Variants in TRAF5 observed in about 807,000 individuals in gnomAD.
The protein encoded by TRAF5 is TNF receptor-associated factor 5.
In TRAF5, 48 loss-of-function variants were observed where a neutral mutation model predicts 64.5. The observed-to-expected ratio is 0.74, with a 90% confidence interval of 0.59 to 0.95. TRAF5 has a LOEUF of 0.95. Ranked by LOEUF, TRAF5 falls within the 40% of genes least tolerant of loss-of-function variation. TRAF5 has a pLI of 0.00. For missense variants in TRAF5, 545 were observed against 662.8 expected (o/e 0.82, Z 1.95); for synonymous variants, 206 against 240.5 (o/e 0.86, Z 1.33).
intron 1 of TRAF5, among the ~76,000 whole-genome samples, chr1:211,337,500 G>C (rs948200340): frequency 2.6e-5 from 4 of 152,166 alleles, no homozygotes; most frequent in African/African-American, 9.7e-5. Context: ...GAGTGCAATG[G>C]GGCCATTGGA....
chr1:211,337,516 G>A (rs181527938), intron 1 of TRAF5, among the ~76,000 whole-genome samples: 1 of 152,312 alleles, frequency 6.6e-6, no homozygotes, highest in East Asian at 1.9e-4. Flanking sequence ...TTGGAGCAGA[G>A]GAGCAGCAGA....
intron 8 of TRAF5, among the ~76,000 whole-genome samples, chr1:211,367,923 GA>G (rs1254959215): frequency 6.6e-6 from 1 of 152,054 alleles, no homozygotes; most frequent in African/African-American, 2.4e-5. Flanking sequence ...ATTTAATGGA[GA>G]AGACCAAAAC....
Position 211,326,850 on chromosome 1 carries a change from C to T in TRAF5, c.-41C>T. The T allele has an allele frequency of 9.1e-6, 9 of 984,830 alleles. No homozygotes were observed. Among genetic ancestry groups the T allele is most frequent in the Non-Finnish European group, 1.1e-5 (9 of 829,554 alleles). 61.0% of individuals were successfully genotyped at this position (984,830 alleles called of 1,614,324 possible). ...CCGCAGCCAGGAGCAGCAGCCGCGCCTGCAGACCGGCCTCGCGGAGCCCGC... is the reference window on the plus strand; with the variant it reads ...CCGCAGCCAGGAGCAGCAGCCGCGCTTGCAGACCGGCCTCGCGGAGCCCGC... On this transcript the variant is annotated 5_prime_UTR_variant, in exon 1 of 11. Transcript: ENST00000261464. The surrounding 1 kb of genome is among the most constrained non-coding windows in gnomAD (Gnocchi z 5.0).
At chr1:211,354,502 AG>A (rs780597209) in intron 3 of TRAF5, 35 bp downstream of exon 3, 1 of 1,603,926 alleles carries the variant, frequency 6.2e-7, no homozygotes, top group African/African-American at 1.3e-5. Flanking sequence ...AGCAGCTCTC[AG>A]GGTGATGGAG....
intron 1 of TRAF5, among the ~76,000 whole-genome samples, chr1:211,346,771 A>G (rs1702619411): frequency 6.6e-6 from 1 of 152,234 alleles, no homozygotes; most frequent in Non-Finnish European, 1.5e-5. Context: ...TATTTGTCAT[A>G]TGTTCTCCAG....
rs757640185 is a variant in TRAF5, at chr1:211,369,515, A to G, written c.853A>G (p.Ile285Val). The change falls in exon 9 of 11, where the codon ATA becomes GTA. Residue 285 changes from isoleucine (I) to valine (V), a missense_variant. By Grantham distance (29) the Ile-to-Val change is conservative. Coordinates refer to ENST00000261464, the MANE Select transcript of TRAF5 (RefSeq NM_001033910.3). ...TAAAATCCAGCAGCTAGCAGAAACTATAAAGAAACTTGAAAAGGAGTTCAA... is the reference window on the plus strand; with the variant it reads ...TAAAATCCAGCAGCTAGCAGAAACTGTAAAGAAACTTGAAAAGGAGTTCAA... ...ESKIQQLAET[I>V]KKLEKEFKQF... is the part of the protein sequence containing the mutation. The G allele has an allele frequency of 3.7e-6, 6 of 1,611,816 alleles. No individual in the cohort carries two copies. The highest frequency in any genetic ancestry group is 5.1e-6 in the Non-Finnish European group (6 of 1,179,340).
rs1703155744 is a variant in TRAF5 at position 211,360,875 on chromosome 1, C to T, written c.621+96C>T. 9 of 1,212,080 alleles carry T rather than the reference C, an allele frequency of 7.4e-6. No individual in the cohort carries two copies. In the Admixed American group the frequency reaches 1.5e-4, roughly 20 times the overall value. 75.1% of individuals were successfully genotyped at this position (1,212,080 alleles called of 1,614,324 possible). A position where few individuals can be genotyped will look rare whatever the true frequency, so the allele number is the denominator to read the frequency against. On this transcript the variant is annotated intron_variant, in intron 6 of 10. Transcript: ENST00000261464. The stretch of plus-strand genomic sequence containing the variant: ...TGATACAGTCCCAAAGATAAGGGCC[C>T]AGGGCTTAAATTACACGCATGACCA...
At chr1:211,362,870 A>G (rs116694568) in intron 7 of TRAF5, among the ~76,000 whole-genome samples, 4,344 of 152,194 alleles carry the variant, frequency 0.029, 85 homozygotes, top group South Asian at 0.075. Context: ...GATCAGACAA[A>G]AAAAAGGGGG....
chr1:211,365,065 C>T (rs950848258), intron 7 of TRAF5, among the ~76,000 whole-genome samples: 1 of 151,792 alleles, frequency 6.6e-6, no homozygotes, highest in Non-Finnish European at 1.5e-5. Flanking sequence ...CCCAGCTACT[C>T]GGGAGGTTGG....
At chr1:211,328,235 A>G (rs1702070166) in intron 1 of TRAF5, among the ~76,000 whole-genome samples, 1 of 152,146 alleles carries the variant, frequency 6.6e-6, no homozygotes, top group Non-Finnish European at 1.5e-5. Context: ...AATTTGAACT[A>G]GAAAGACAGA....
rs1572083624 is a variant in TRAF5 at position 211,360,336 on chromosome 1, A to G, written c.543+260A>G. 1.4e-5 allele frequency: 7 copies of G among 508,560 alleles called. No homozygotes were observed. The East Asian group carries it at 2.1e-4, about 15-fold the overall frequency. 31.5% of individuals were successfully genotyped at this position (508,560 alleles called of 1,614,324 possible). A position where few individuals can be genotyped will look rare whatever the true frequency, so the allele number is the denominator to read the frequency against. On this transcript the variant is annotated intron_variant, in intron 5 of 10. Transcript: ENST00000261464. ...AATGAATGCTGGGTGCTGAGTCACA[A>G]GGAGGTGACAATAATGTCTACTCTC...
chr1:211,338,250 T>TC, intron 1 of TRAF5, among the ~76,000 whole-genome samples: 1 of 152,104 alleles, frequency 6.6e-6, no homozygotes, highest in East Asian at 1.9e-4. Flanking sequence ...AACAAATGGG[T>TC]CCCCCTTCCT....
At position 211,372,641 on chromosome 1, in the gene TRAF5, T is replaced by A. The variant is rs1703577787; in HGVS notation, c.1613T>A (p.Ile538Asn). The change falls in exon 11 of 11, where the codon ATT becomes AAT. Residue 538 changes from isoleucine to asparagine, a missense_variant. Physicochemically the swap from Ile to Asn is moderately radical, Grantham distance 149. Transcript: ENST00000261464. ...SVLENAKNAYIKDDTLFLKVA... is the reference protein window; with the variant it reads ...SVLENAKNAYNKDDTLFLKVA... Reference sequence around the variant, plus strand: ...TTGGAGAATGCCAAGAACGCCTACATTAAAGATGACACTCTGTTCTTGAAA... The same window carrying A: ...TTGGAGAATGCCAAGAACGCCTACAATAAAGATGACACTCTGTTCTTGAAA... 1.2e-6 allele frequency: 2 copies of A among 1,614,110 alleles called. No homozygotes were observed. Among genetic ancestry groups the A allele is most frequent in the Non-Finnish European group, 1.7e-6 (2 of 1,180,038 alleles).
intron 1 of TRAF5, among the ~76,000 whole-genome samples, chr1:211,345,264 C>T (rs756204172): frequency 2.6e-5 from 4 of 152,116 alleles, no homozygotes; most frequent in Admixed American, 1.3e-4. Flanking sequence ...CCATGTTGCC[C>T]AGGCTGGTCT....
At chr1:211,340,413 T>C (rs1253091206) in intron 1 of TRAF5, among the ~76,000 whole-genome samples, 1 of 152,170 alleles carries the variant, frequency 6.6e-6, no homozygotes. Context: ...GCCTCCCGAG[T>C]AGCTGGGATT....
intron 1 of TRAF5, among the ~76,000 whole-genome samples, chr1:211,348,260 C>G (rs1012382855): frequency 6.6e-6 from 1 of 152,092 alleles, no homozygotes; most frequent in Admixed American, 6.5e-5. Context: ...CTCACTAATT[C>G]TTTTGTTTTG....
At chr1:211,339,455 G>A (rs144344602) in intron 1 of TRAF5, among the ~76,000 whole-genome samples, 7 of 152,262 alleles carry the variant, frequency 4.6e-5, no homozygotes, top group Non-Finnish European at 1.0e-4. Context: ...CATGAAACTC[G>A]GTTTGGTAAG....
rs761979755 is a variant in TRAF5 at position 211,356,461 on chromosome 1, G to A, written c.371G>A (p.Arg124Gln). 1.6e-5 allele frequency: 26 copies of A among 1,613,706 alleles called. No homozygotes were observed. The highest frequency in any genetic ancestry group is 1.6e-4 in the Middle Eastern group (1 of 6,082). The change falls in exon 4 of 11, where the codon CGG becomes CAG. Residue 124 changes from arginine (R) to glutamine (Q), a missense_variant. Transcript: ENST00000261464. ...PGCNAKVILG[R>Q]YQDHLQQCLF... ...TGTAATGCCAAGGTTATTCTGGGCC[G>A]GTACCAGGTTGGTATTACTCATGAA...
At position 211,369,457 on chromosome 1, in the gene TRAF5, T is replaced by C. The variant is rs768646355; in HGVS notation, c.795T>C (p.Ser265=). Residue 265 remains serine (S), a synonymous_variant, in exon 9 of 11, where the codon TCT becomes TCC. Transcript: ENST00000261464. The stretch of plus-strand genomic sequence containing the variant: ...CCTCACGTTCCTGTTATTAGATTTC[T>C]GACTTACACAAGAGCCTAGAACAGA... The part of the protein sequence containing the change: ...EKNVQLEEQI[S]DLHKSLEQKE... 5 of 1,579,534 alleles carry C rather than the reference T, an allele frequency of 3.2e-6. No individual in the cohort carries two copies. The highest frequency in any genetic ancestry group is 4.3e-6 in the Non-Finnish European group (5 of 1,169,390).
Sources: gnomAD v4.1 joint callset for allele counts (sites outside exome capture counted in the v4.1 genomes callset) on GRCh38, gnomAD v4.1.1 for gene constraint, Gnocchi (gnomAD v3.1) non-coding constraint, MANE v1.5 for transcripts, NCBI Gene and HGNC (gene_info 2026-07-23, HGNC 2026-07-21) for gene names.